MTFR1: variants seen among roughly 807,000 people sequenced by gnomAD.
MTFR1 encodes chondrocyte protein with a poly-proline region.
A neutral mutation model predicts 38.8 loss-of-function variants in MTFR1; 28 were observed. The observed-to-expected ratio is 0.72, with a 90% confidence interval of 0.53 to 0.99. The LOEUF (loss-of-function observed/expected upper bound fraction) is 0.99, where lower values mean the gene tolerates loss of function less well. Ranked by LOEUF, MTFR1 falls within the 50% of genes least tolerant of loss-of-function variation. MTFR1 has a pLI of 0.00. For synonymous variants in MTFR1, 145 were observed against 137.0 expected (o/e 1.06, Z -0.41); for missense variants, 358 against 395.5 (o/e 0.91, Z 0.81).
At chr8:65,739,889 C>T (rs1433164456) in intron 3 of MTFR1, among the ~76,000 whole-genome samples, 1 of 152,026 alleles carries the variant, frequency 6.6e-6, no homozygotes, top group Admixed American at 6.5e-5. Flanking sequence ...TGAGAATAGA[C>T]AATAGAAAAC....
At chr8:65,674,877 AC>A (rs928022747) in intron 2 of MTFR1, among the ~76,000 whole-genome samples, 1 of 152,190 alleles carries the variant, frequency 6.6e-6, no homozygotes, top group Non-Finnish European at 1.5e-5. Flanking sequence ...ACTGCCTTGA[AC>A]AAAGTTACCT....
chr8:65,704,571 C>T, intron 4 of MTFR1, 123 bp from the exon 5 acceptor site: 1 of 718,912 alleles, frequency 1.4e-6, no homozygotes, highest in Non-Finnish European at 2.3e-6. Context: ...CACGAAGGGA[C>T]TTATGTAAGA....
chr8:65,771,070 C>A, exon 4 of MTFR1: 1 of 372,174 alleles, frequency 2.7e-6, no homozygotes, highest in Non-Finnish European at 5.3e-6. Context: ...CACAATAATT[C>A]ATGGTAGGAA....
At chr8:65,726,980 C>G in intron 3 of MTFR1, 1 of 1,439,272 alleles carries the variant, frequency 6.9e-7, no homozygotes, top group Non-Finnish European at 9.8e-7. Flanking sequence ...CAACAAAGGA[C>G]GTTTCTGAGT....
At chr8:65,673,000 T>G (rs1804604261) in intron 2 of MTFR1, among the ~76,000 whole-genome samples, 1 of 152,218 alleles carries the variant, frequency 6.6e-6, no homozygotes. Context: ...TAAATTTCCT[T>G]CAAGAACTTT....
chr8:65,750,797 T>C (rs1421658970), intron 3 of MTFR1, among the ~76,000 whole-genome samples: 1 of 152,086 alleles, frequency 6.6e-6, no homozygotes, highest in Non-Finnish European at 1.5e-5. Context: ...CTCATTTTCC[T>C]TAACTGTAAA....
At chr8:65,694,081 T>TTC (rs1554550212) in intron 4 of MTFR1, among the ~76,000 whole-genome samples, 1 of 150,166 alleles carries the variant, frequency 6.7e-6, no homozygotes, top group Non-Finnish European at 1.5e-5. Flanking sequence ...TCTTTTTTTT[T>TTC]TTTTTTTTTT....
intron 3 of MTFR1, chr8:65,765,800 G>T (rs1377163830): frequency 6.6e-6 from 1 of 152,128 alleles, no homozygotes; most frequent in African/African-American, 2.4e-5. Context: ...CATCAGACTA[G>T]AAATTCTAAT....
At chr8:65,690,199 G>A (rs1805230038) in intron 3 of MTFR1, among the ~76,000 whole-genome samples, 2 of 152,132 alleles carry the variant, frequency 1.3e-5, no homozygotes, top group Non-Finnish European at 2.9e-5. Flanking sequence ...ATGATATCCT[G>A]AAAATGAGTT....
intron 2 of MTFR1, among the ~76,000 whole-genome samples, chr8:65,678,560 T>C (rs1804782151): frequency 6.6e-6 from 1 of 152,294 alleles, no homozygotes; most frequent in South Asian, 2.1e-4. Context: ...TTTCCTTCCT[T>C]TAACTTTGTA....
intron 3 of MTFR1, among the ~76,000 whole-genome samples, chr8:65,693,429 GA>G (rs1805342394): frequency 1.3e-5 from 2 of 151,868 alleles, no homozygotes; most frequent in Non-Finnish European, 2.9e-5. Flanking sequence ...CTTATAAAAT[GA>G]AAACTGAATA....
intron 3 of MTFR1, among the ~76,000 whole-genome samples, chr8:65,740,609 C>A (rs1229434368): frequency 6.6e-6 from 1 of 152,112 alleles, no homozygotes; most frequent in Non-Finnish European, 1.5e-5. Context: ...ACTTTGTTGG[C>A]CAGGCTGGTC....
At position 65,670,093 on chromosome 8, in the gene MTFR1, A is replaced by C; in HGVS notation, c.66+75A>C. On this transcript the variant is annotated intron_variant, in intron 2 of 7. Transcript: ENST00000262146. The stretch of plus-strand genomic sequence containing the variant: ...GAATTTTTTCTGAGAAAATGAAATA[A>C]ATCTATATATGACCAACATCTTGAA... The C allele has an allele frequency of 3.2e-6, 4 of 1,255,136 alleles. No individual in the cohort carries two copies. The South Asian group carries it at 5.3e-5, about 17-fold the overall frequency. The allele number at this position is 1,255,136 out of a possible 1,614,324, so 77.7% of individuals were successfully genotyped here.
intron 4 of MTFR1, among the ~76,000 whole-genome samples, chr8:65,698,383 G>A (rs748880765): frequency 2.6e-5 from 4 of 151,634 alleles, no homozygotes; most frequent in Non-Finnish European, 4.4e-5. Context: ...TAAGCGATCC[G>A]CCCACCTTAG....
At chr8:65,679,605 A>G (rs990975101) in intron 2 of MTFR1, 1 of 152,238 alleles carries the variant, frequency 6.6e-6, no homozygotes, top group Non-Finnish European at 1.5e-5. Context: ...AGCCTGGGCG[A>G]AAGAGTGAAA....
At chr8:65,749,341 T>C (rs1807827462) in intron 3 of MTFR1, among the ~76,000 whole-genome samples, 1 of 152,212 alleles carries the variant, frequency 6.6e-6, no homozygotes, top group South Asian at 2.1e-4. Flanking sequence ...TGATGAACTC[T>C]GAGGTTCCCA....
intron 4 of MTFR1, among the ~76,000 whole-genome samples, chr8:65,696,284 A>T (rs1805439140): frequency 6.6e-6 from 1 of 152,234 alleles, no homozygotes. Flanking sequence ...CAGGATTAGC[A>T]GGTAAAGAGC....
intron 3 of MTFR1, chr8:65,731,746 T>A (rs1300667844): frequency 6.6e-6 from 1 of 152,172 alleles, no homozygotes; most frequent in African/African-American, 2.4e-5. Flanking sequence ...TTTTTCCACA[T>A]AGACAAGAGT....
intron 3 of MTFR1, among the ~76,000 whole-genome samples, chr8:65,750,777 C>A (rs1168194333): frequency 2.0e-5 from 3 of 152,012 alleles, no homozygotes; most frequent in Non-Finnish European, 2.9e-5. Flanking sequence ...AAGTCATAAC[C>A]TTCTGATATC....
Sources: gnomAD v4.1 joint callset for allele counts (sites outside exome capture counted in the v4.1 genomes callset) on GRCh38, gnomAD v4.1.1 for gene constraint, MANE v1.5 for transcripts, NCBI Gene and HGNC (gene_info 2026-07-23, HGNC 2026-07-21) for gene names.